RAD51B: variants seen among roughly 807,000 people sequenced by gnomAD.
The protein encoded by RAD51B is DNA repair protein RAD51 homolog 2.
Under a neutral mutation model 42.2 loss-of-function variants are expected in RAD51B, and 38 were observed. The ratio of observed to expected loss-of-function variants is 0.90; its 90% CI spans 0.70 to 1.18. RAD51B has a LOEUF of 1.18. Among genes scored for constraint, RAD51B ranks in the 50% most tolerant of loss-of-function variants. The pLI is 0.00. For missense variants in RAD51B, 373 were observed against 400.7 expected (o/e 0.93, Z 0.59); for synonymous variants, 154 against 145.2 (o/e 1.06, Z -0.43).
chr14:68,667,159 C>T (rs1045052523), intron 11 of RAD51B, among the ~76,000 whole-genome samples: 2 of 152,166 alleles, frequency 1.3e-5, no homozygotes, highest in Non-Finnish European at 2.9e-5. Flanking sequence ...ACGTATGTGA[C>T]GGCGGTGGAG....
chr14:68,456,093 G>A (rs2085679350), intron 9 of RAD51B, among the ~76,000 whole-genome samples: 1 of 152,140 alleles, frequency 6.6e-6, no homozygotes, highest in African/African-American at 2.4e-5. Flanking sequence ...AACAACAAGA[G>A]AGTTAAAATT....
intron 4 of RAD51B, among the ~76,000 whole-genome samples, chr14:67,835,560 A>AAT (rs1407187520): frequency 1.4e-5 from 2 of 141,296 alleles, no homozygotes; most frequent in African/African-American, 2.6e-5. Context: ...ACATATATGT[A>AAT]ATATATACAC....
At chr14:68,012,228 T>C (rs1330723078) in intron 7 of RAD51B, among the ~76,000 whole-genome samples, 1 of 152,144 alleles carries the variant, frequency 6.6e-6, no homozygotes, top group African/African-American at 2.4e-5. Context: ...GTTTTCTTAA[T>C]TTCATATAAC....
At chr14:68,642,235 G>A (rs11629204) in intron 10 of RAD51B, among the ~76,000 whole-genome samples, 28,028 of 152,036 alleles carry the variant, frequency 0.18, 2,857 homozygotes, top group South Asian at 0.24. Flanking sequence ...TCTGGGCCTG[G>A]TGCTTTCTAT....
intron 8 of RAD51B, among the ~76,000 whole-genome samples, chr14:68,325,000 G>A (rs1015293072): frequency 3.9e-5 from 6 of 152,310 alleles, no homozygotes; most frequent in Admixed American, 6.5e-5. Context: ...CACTCCATTA[G>A]CTCCTCAACG....
At chr14:68,158,156 C>A (rs2140808048) in intron 7 of RAD51B, among the ~76,000 whole-genome samples, 1 of 152,318 alleles carries the variant, frequency 6.6e-6, no homozygotes, top group East Asian at 1.9e-4. Context: ...CCATCCCAAC[C>A]TGCCTTGACT....
chr14:68,492,884 C>T (rs1283467778), intron 10 of RAD51B, among the ~76,000 whole-genome samples: 2 of 152,216 alleles, frequency 1.3e-5, no homozygotes, highest in African/African-American at 2.4e-5. Flanking sequence ...CCATTATCCC[C>T]ATCTTGGAAG....
At chr14:67,967,564 GC>G (rs1284634194) in intron 7 of RAD51B, among the ~76,000 whole-genome samples, 2 of 152,194 alleles carry the variant, frequency 1.3e-5, no homozygotes, top group African/African-American at 2.4e-5. Context: ...AAACAAAGGG[GC>G]TACAGGGCCC....
chr14:67,875,664 G>A (rs1241063211), intron 5 of RAD51B, among the ~76,000 whole-genome samples: 1 of 152,152 alleles, frequency 6.6e-6, no homozygotes, highest in Admixed American at 6.6e-5. Flanking sequence ...GTTTGTAGAA[G>A]TACACTTTAT....
chr14:67,864,678 A>G (rs2139988600), intron 4 of RAD51B: 1 of 409,506 alleles, frequency 2.4e-6, no homozygotes. Context: ...ATGCCAAGTT[A>G]TGATGGTATA....
chr14:67,956,639 T>C (rs943929803), intron 7 of RAD51B, among the ~76,000 whole-genome samples: 1 of 152,230 alleles, frequency 6.6e-6, no homozygotes, highest in African/African-American at 2.4e-5. Flanking sequence ...TTCAGTAAAC[T>C]ATACTTTAAA....
At chr14:67,852,163 C>T (rs554607212) in intron 4 of RAD51B, among the ~76,000 whole-genome samples, 1 of 152,322 alleles carries the variant, frequency 6.6e-6, no homozygotes, top group Non-Finnish European at 1.5e-5. Flanking sequence ...AGAGCCGTGA[C>T]CGACTGACCA....
chr14:68,101,093 G>A (rs1005909791), intron 7 of RAD51B, among the ~76,000 whole-genome samples: 5 of 152,130 alleles, frequency 3.3e-5, no homozygotes, highest in Non-Finnish European at 7.4e-5. Flanking sequence ...ATCAGATCTC[G>A]TGACAACTCA....
rs555405185 is a variant in RAD51B at position 68,382,259 on chromosome 14, A to G, written c.854-29165A>G. On this transcript the variant is annotated intron_variant, in intron 8 of 10. Transcript: ENST00000471583. Reference sequence around the variant, plus strand: ...TGCCTCTTCCCACTGGGTAGATGCCAATGGCATCCCTTCATTTGTGACAAC... The same window carrying G: ...TGCCTCTTCCCACTGGGTAGATGCCGATGGCATCCCTTCATTTGTGACAAC... Among the ~76,000 whole-genome samples, 4 of 152,214 alleles carry G rather than the reference A, an allele frequency of 2.6e-5. No homozygotes were observed. The South Asian group carries it at 8.3e-4, about 32-fold the overall frequency.
chr14:68,340,307 G>T (rs575394680), intron 8 of RAD51B, among the ~76,000 whole-genome samples: 2 of 152,312 alleles, frequency 1.3e-5, no homozygotes, highest in East Asian at 3.9e-4. Flanking sequence ...TACCTTTTGT[G>T]GGGGAGATTT....
chr14:67,911,513 A>G (rs2043977826), intron 7 of RAD51B, among the ~76,000 whole-genome samples: 1 of 152,112 alleles, frequency 6.6e-6, no homozygotes, highest in East Asian at 1.9e-4. Context: ...AAGAGGTACA[A>G]CCTTCTCCAG....
intron 7 of RAD51B, among the ~76,000 whole-genome samples, chr14:68,230,410 A>G (rs911462753): frequency 1.3e-5 from 2 of 152,184 alleles, no homozygotes; most frequent in Non-Finnish European, 2.9e-5. Flanking sequence ...TTTCTGTTAA[A>G]CATCTTTATT....
chr14:67,970,846 T>A (rs2074883103), intron 7 of RAD51B, among the ~76,000 whole-genome samples: 1 of 152,048 alleles, frequency 6.6e-6, no homozygotes, highest in South Asian at 2.1e-4. Context: ...TTTAAAGAAA[T>A]TTACTGTTTT....
intron 7 of RAD51B, among the ~76,000 whole-genome samples, chr14:67,992,877 G>T (rs1224497529): frequency 6.6e-6 from 1 of 152,050 alleles, no homozygotes; most frequent in Non-Finnish European, 1.5e-5. Context: ...AGATACATCA[G>T]AGTAACCAGG....
Sources: allele counts gnomAD v4.1 joint callset (sites outside exome capture counted in the v4.1 genomes callset), GRCh38; gene constraint gnomAD v4.1.1; transcripts MANE v1.5; gene names NCBI Gene and HGNC (gene_info 2026-07-23, HGNC 2026-07-21).